PCCA: variants seen among roughly 807,000 people sequenced by gnomAD.
PCCA encodes propionyl-CoA carboxylase subunit alpha.
PCCA carries 74 observed loss-of-function variants against 101.3 expected under a neutral mutation model. That is an observed-to-expected ratio of 0.73 (90% CI 0.61 to 0.89). The LOEUF (loss-of-function observed/expected upper bound fraction) is 0.89, where lower values mean the gene tolerates loss of function less well. PCCA is among the 40% of genes least tolerant of loss of function. PCCA has a pLI of 0.00. For missense variants in PCCA, 891 were observed against 907.0 expected (o/e 0.98, Z 0.23); for synonymous variants, 294 against 313.6 (o/e 0.94, Z 0.66).
intron 4 of PCCA, among the ~76,000 whole-genome samples, chr13:100,150,097 C>G (rs7989028): frequency 0.02 from 2,597 of 130,066 alleles, 80 homozygotes; most frequent in African/African-American, 0.069. Flanking sequence ...GTGGCCTGAT[C>G]GGCTCACTGC....
chr13:100,363,365 T>A (rs946326088), intron 18 of PCCA, among the ~76,000 whole-genome samples: 4 of 152,136 alleles, frequency 2.6e-5, no homozygotes, highest in African/African-American at 9.7e-5. Context: ...CTCTCCTTTT[T>A]TTTTTCTGAT....
At chr13:100,282,371 G>A (rs1348017344) in intron 12 of PCCA, among the ~76,000 whole-genome samples, 5 of 152,362 alleles carry the variant, frequency 3.3e-5, no homozygotes, top group South Asian at 2.1e-4. Flanking sequence ...TCAGCCCACC[G>A]CTGCACTGTG....
At chr13:100,214,262 G>A (rs1013250809) in intron 7 of PCCA, among the ~76,000 whole-genome samples, 27 of 151,930 alleles carry the variant, frequency 1.8e-4, no homozygotes, top group Non-Finnish European at 3.7e-4. Context: ...ATTGTCATTG[G>A]TATTTTGATA....
At chr13:100,412,542 A>C (rs915916507) in intron 19 of PCCA, among the ~76,000 whole-genome samples, 8 of 152,254 alleles carry the variant, frequency 5.3e-5, no homozygotes, top group African/African-American at 1.7e-4. Context: ...GTGCAATAAA[A>C]GGACACTGGT....
rs758676556 is a variant in PCCA at position 100,235,896 on chromosome 13, C to A, written c.637+18C>A. 2.6e-6 allele frequency: 4 copies of A among 1,548,810 alleles called. No individual in the cohort carries two copies. The African/African-American group carries it at 4.1e-5, about 16-fold the overall frequency. The stretch of plus-strand genomic sequence containing the variant: ...GGAAATTGGTAAGTCCTTAAATTAA[C>A]TTTGGTAGGATTTCTGTGTCTTTCA... On this transcript the variant is annotated intron_variant, in intron 8 of 23. Coordinates refer to ENST00000376285, the MANE Select transcript of PCCA (RefSeq NM_000282.4).
chr13:100,229,095 G>A (rs1378239474), intron 7 of PCCA, among the ~76,000 whole-genome samples: 1 of 148,958 alleles, frequency 6.7e-6, no homozygotes, highest in African/African-American at 2.5e-5. Flanking sequence ...TTTTCCTAAT[G>A]CAACACTTTA....
chr13:100,431,325 T>C (rs1300915144), intron 20 of PCCA, among the ~76,000 whole-genome samples: 2 of 152,214 alleles, frequency 1.3e-5, no homozygotes, highest in Non-Finnish European at 2.9e-5. Flanking sequence ...AAGTTCTTCC[T>C]GCGTTATGGC....
chr13:100,526,082 G>GGT (rs1226881197), intron 22 of PCCA, among the ~76,000 whole-genome samples: 1 of 152,208 alleles, frequency 6.6e-6, no homozygotes, highest in African/African-American at 2.4e-5. Flanking sequence ...CTGGCTGGCA[G>GGT]GTGTGCTGCA....
intron 19 of PCCA, among the ~76,000 whole-genome samples, chr13:100,409,223 A>C (rs2077874911): frequency 6.6e-6 from 1 of 152,214 alleles, no homozygotes; most frequent in Non-Finnish European, 1.5e-5. Context: ...CTCCACCCTC[A>C]GAAATCTCAG....
At chr13:100,326,324 A>G (rs2068677287) in intron 16 of PCCA, among the ~76,000 whole-genome samples, 1 of 152,170 alleles carries the variant, frequency 6.6e-6, no homozygotes, top group Non-Finnish European at 1.5e-5. Flanking sequence ...ATGTAGATAA[A>G]TGCTTCTGAA....
chr13:100,391,433 G>A (rs993382342), intron 19 of PCCA, among the ~76,000 whole-genome samples: 1 of 152,138 alleles, frequency 6.6e-6, no homozygotes, highest in Non-Finnish European at 1.5e-5. Flanking sequence ...ATGTTGTTGA[G>A]GCTGGGAGCA....
chr13:100,129,041 A>G (rs755582894), intron 4 of PCCA, among the ~76,000 whole-genome samples: 9 of 152,082 alleles, frequency 5.9e-5, no homozygotes, highest in Non-Finnish European at 1.2e-4. Flanking sequence ...TTTTACCACT[A>G]CCTCAAACCC....
chr13:100,316,346 TAGAA>T (rs1369553923), intron 16 of PCCA, among the ~76,000 whole-genome samples: 2 of 152,264 alleles, frequency 1.3e-5, no homozygotes, highest in Non-Finnish European at 2.9e-5. Flanking sequence ...ACTATTCAAG[TAGAA>T]AGATTTTTAA....
In PCCA at chr13:100,525,793, C is replaced by T. The variant is rs190397413; in HGVS notation, c.2041-1882C>T. 9.5e-3 allele frequency among the ~76,000 whole-genome samples: 1,441 copies of T among 152,312 alleles called. 22 individuals are homozygous for T. Among genetic ancestry groups the T allele is most frequent in the African/African-American group, 0.033 (1,361 of 41,558 alleles). On this transcript the variant is annotated intron_variant, in intron 22 of 23. Coordinates refer to ENST00000376285, the MANE Select transcript of PCCA (RefSeq NM_000282.4). Reference sequence around the variant, plus strand: ...ACGGGGCTCTGGCCAGTCCTGGGCCCTCAGATGCCTGCAGAGGAAGGGCTG... The same window carrying T: ...ACGGGGCTCTGGCCAGTCCTGGGCCTTCAGATGCCTGCAGAGGAAGGGCTG...
At chr13:100,301,802 T>C (rs1055032677) in intron 13 of PCCA, among the ~76,000 whole-genome samples, 199 bp downstream of exon 13, 2 of 152,224 alleles carry the variant, frequency 1.3e-5, no homozygotes, top group Non-Finnish European at 2.9e-5. Context: ...CTTAGTTAAT[T>C]GTCATGTATT....
At chr13:100,200,998 A>G (rs2058450349) in intron 6 of PCCA, among the ~76,000 whole-genome samples, 1 of 152,174 alleles carries the variant, frequency 6.6e-6, no homozygotes, top group Admixed American at 6.6e-5. Flanking sequence ...ACAGAATTAG[A>G]GTATCTCACA....
intron 19 of PCCA, among the ~76,000 whole-genome samples, chr13:100,415,803 T>G (rs1229665739): frequency 6.6e-6 from 1 of 152,228 alleles, no homozygotes; most frequent in Non-Finnish European, 1.5e-5. Context: ...TTGGAAATAG[T>G]TTTTTGGCAA....
At chr13:100,112,576 CTT>C (rs5806149) in intron 4 of PCCA, among the ~76,000 whole-genome samples, 75 of 123,992 alleles carry the variant, frequency 6.0e-4, no homozygotes, top group Admixed American at 1.2e-3. Context: ...CACAGCAGGC[CTT>C]TTTTTTTTTT....
chr13:100,279,204 A>G (rs898773189), intron 12 of PCCA, among the ~76,000 whole-genome samples: 2 of 152,222 alleles, frequency 1.3e-5, no homozygotes, highest in Non-Finnish European at 2.9e-5. Context: ...ATAGCATTCT[A>G]TGATATTTAA....
Sources: gnomAD v4.1 joint callset for allele counts (sites outside exome capture counted in the v4.1 genomes callset) on GRCh38, gnomAD v4.1.1 for gene constraint, MANE v1.5 for transcripts, NCBI Gene and HGNC (gene_info 2026-07-23, HGNC 2026-07-21) for gene names.